Variants in LIN7A observed in about 807,000 individuals in gnomAD.
LIN7A encodes the protein protein lin-7 homolog A.
Under a neutral mutation model 29.8 loss-of-function variants are expected in LIN7A, and 25 were observed. That is an observed-to-expected ratio of 0.84 (90% CI 0.61 to 1.17). LIN7A has a LOEUF of 1.17. Ranked by LOEUF, LIN7A falls within the 50% of genes most tolerant of loss-of-function variation. LIN7A has a pLI of 0.00. For missense variants in LIN7A, 239 were observed against 287.0 expected, an observed-to-expected ratio of 0.83 and a Z score of 1.21; for synonymous variants, 118 against 107.5, an observed-to-expected ratio of 1.10 and a Z score of -0.60.
chr12:80,909,162 AGGTT>A (rs2120787854), intron 1 of LIN7A, among the ~76,000 whole-genome samples: 1 of 152,168 alleles, frequency 6.6e-6, no homozygotes, highest in South Asian at 2.1e-4. Context: ...TAAAGGATTG[AGGTT>A]CAATTTTTTG....
chr12:80,903,922 T>C (rs564330247), intron 1 of LIN7A, among the ~76,000 whole-genome samples: 1 of 152,266 alleles, frequency 6.6e-6, no homozygotes, highest in South Asian at 2.1e-4. Context: ...GGCTTTAATA[T>C]GTATTTATCT....
At chr12:80,909,586 G>A (rs970852962) in intron 1 of LIN7A, among the ~76,000 whole-genome samples, 4 of 152,020 alleles carry the variant, frequency 2.6e-5, no homozygotes, top group African/African-American at 7.2e-5. Context: ...CTGTGTCCTC[G>A]CGTGGCAGAA....
chr12:80,836,639 A>G (rs968819541), intron 4 of LIN7A, among the ~76,000 whole-genome samples: 3 of 152,118 alleles, frequency 2.0e-5, no homozygotes, highest in Non-Finnish European at 4.4e-5. Flanking sequence ...TGGGCCACAG[A>G]ATGAGACCCT....
Position 80,807,063 on chromosome 12 carries a change from G to GTTTTTTTTTTTT in LIN7A, c.*4390_*4401dup, listed in dbSNP as rs71094991. 3.5e-4 allele frequency among the ~76,000 whole-genome samples: 19 copies of GTTTTTTTTTTTT among 53,588 alleles called. 3 individuals are homozygous for GTTTTTTTTTTTT. Among genetic ancestry groups the GTTTTTTTTTTTT allele is most frequent in the African/African-American group, 1.5e-3 (17 of 11,538 alleles). The allele number at this position is 53,588 out of a possible 152,430, so 35.2% of individuals were successfully genotyped here. A position where few individuals can be genotyped will look rare whatever the true frequency, so the allele number is the denominator to read the frequency against. On this transcript the variant is annotated intron_variant, in intron 5 of 5. Transcript: ENST00000552864. ...CCATAGGAAATTTAATGAAGATGGA[G>GTTTTTTTTTTTT]TTTTTTTTTTTTTTTTTTTTTTTTT...
At chr12:80,807,080 T>TTTTTTTTTTTGTTGTTTTTTG (rs1555221374) in intron 5 of LIN7A, among the ~76,000 whole-genome samples, 1 of 134,686 alleles carries the variant, frequency 7.4e-6, no homozygotes, top group African/African-American at 2.8e-5. Context: ...TTTTTTTTTT[T>TTTTTTTTTTTGTTGTTTTTTG]TTTTTTTTTT....
intron 1 of LIN7A, among the ~76,000 whole-genome samples, chr12:80,890,373 C>T (rs950370386): frequency 6.6e-6 from 1 of 152,116 alleles, no homozygotes; most frequent in African/African-American, 2.4e-5. Context: ...TCCCACATCC[C>T]TGCCATCAGC....
intron 1 of LIN7A, among the ~76,000 whole-genome samples, chr12:80,910,213 A>G (rs1876685888): frequency 6.6e-6 from 1 of 152,158 alleles, no homozygotes; most frequent in Admixed American, 6.6e-5. Context: ...TACAACTGAT[A>G]TTTTTAAGAT....
At position 80,821,862 on chromosome 12, in the gene LIN7A, TG is replaced by T. The variant is rs1180518209; in HGVS notation, c.484-10180del. ...CTCAGAAGTGCCTGCTCCTGTTGCC[TG>T]GCCTCTCCCAGCTGCCTGTGCCTGC... On this transcript the variant is annotated intron_variant, in intron 4 of 5. Transcript: ENST00000552864. 2.6e-5 allele frequency among the ~76,000 whole-genome samples: 4 copies of T among 152,322 alleles called. No homozygotes were observed. The East Asian group carries it at 7.7e-4, about 29-fold the overall frequency.
chr12:80,859,433 G>T (rs1252924652), intron 2 of LIN7A, among the ~76,000 whole-genome samples: 1 of 152,174 alleles, frequency 6.6e-6, no homozygotes. Flanking sequence ...CAGGTCTAAA[G>T]CTCAGAGGGA....
chr12:80,855,423 C>T (rs1328657797), intron 2 of LIN7A, among the ~76,000 whole-genome samples: 5 of 151,946 alleles, frequency 3.3e-5, no homozygotes, highest in Non-Finnish European at 7.4e-5. Flanking sequence ...GATTGGGAAA[C>T]TCAGATAAGA....
At chr12:80,823,685 C>T (rs528872090) in intron 4 of LIN7A, among the ~76,000 whole-genome samples, 21 of 152,340 alleles carry the variant, frequency 1.4e-4, no homozygotes, top group Non-Finnish European at 2.2e-4. Flanking sequence ...TGGGCAAAGG[C>T]GTCACTGGAC....
At chr12:80,858,747 T>C (rs564030268) in intron 2 of LIN7A, among the ~76,000 whole-genome samples, 46 of 152,290 alleles carry the variant, frequency 3.0e-4, no homozygotes, top group African/African-American at 1.0e-3. Flanking sequence ...ATTTTCACTG[T>C]TTGGATTACG....
At chr12:80,842,233 A>AGGTT in intron 4 of LIN7A, 1 of 759,964 alleles carries the variant, frequency 1.3e-6, no homozygotes, top group Non-Finnish European at 1.8e-6. Context: ...ATTCCATGTT[A>AGGTT]ATAGTTCTGT....
chr12:80,906,067 A>G (rs1317398441), intron 1 of LIN7A, among the ~76,000 whole-genome samples: 4 of 152,256 alleles, frequency 2.6e-5, no homozygotes, highest in South Asian at 4.1e-4. Flanking sequence ...TTTAGATTAA[A>G]TTGTATACCT....
chr12:80,894,408 G>A (rs1731325189), intron 1 of LIN7A, among the ~76,000 whole-genome samples: 1 of 152,138 alleles, frequency 6.6e-6, no homozygotes, highest in Non-Finnish European at 1.5e-5. Context: ...CCCAATGCAT[G>A]AGGCAAATAC....
In LIN7A at chr12:80,912,725, A is replaced by AAAG. The variant is rs1222800105; in HGVS notation, c.83-23357_83-23356insCTT. Among the ~76,000 whole-genome samples the AAAG allele has an allele frequency of 1.6e-4, 23 of 145,642 alleles. No homozygotes were observed. The South Asian group carries it at 5.0e-3, about 32-fold the overall frequency. On this transcript the variant is annotated intron_variant, in intron 1 of 5. Coordinates refer to ENST00000552864, the MANE Select transcript of LIN7A (RefSeq NM_004664.4). ...CTGAGACTTGTCTCAAAAAAAAAAA[A>AAAG]AAAAGAAAAGAAAAGAAAAAGAAAA...
chr12:80,904,192 A>T (rs971543379), intron 1 of LIN7A, among the ~76,000 whole-genome samples: 5 of 152,154 alleles, frequency 3.3e-5, no homozygotes, highest in African/African-American at 1.2e-4. Flanking sequence ...TCAACAAAAA[A>T]AATTGCACAC....
intron 1 of LIN7A, among the ~76,000 whole-genome samples, chr12:80,898,496 AAT>A (rs757307474): frequency 6.6e-6 from 1 of 152,072 alleles, no homozygotes; most frequent in Non-Finnish European, 1.5e-5. Flanking sequence ...TGAAATTTAA[AAT>A]AGTTTTTTTT....
chr12:80,937,631 G>T lies in LIN7A; in HGVS notation c.82+10C>A, dbSNP rs1357646707. 2.0e-6 allele frequency: 3 copies of T among 1,489,102 alleles called. No homozygotes were observed. Among genetic ancestry groups the T allele is most frequent in the South Asian group, 1.3e-5 (1 of 76,182 alleles). The allele number at this position is 1,489,102 out of a possible 1,614,324, so 92.2% of individuals were successfully genotyped here. ...GACGCGGTGGCCTGGCGAGCGAGCCGCTCCCTTACCTCTGTCCAGGGTGAG... is the reference window on the plus strand; with the variant it reads ...GACGCGGTGGCCTGGCGAGCGAGCCTCTCCCTTACCTCTGTCCAGGGTGAG... On this transcript the variant is annotated intron_variant, in intron 1 of 5. Transcript: ENST00000552864.
Sources: allele counts gnomAD v4.1 joint callset (sites outside exome capture counted in the v4.1 genomes callset), GRCh38; gene constraint gnomAD v4.1.1; transcripts MANE v1.5; gene names NCBI Gene and HGNC (gene_info 2026-07-23, HGNC 2026-07-21).